VAV3: variants seen among roughly 807,000 people sequenced by gnomAD.
The protein encoded by VAV3 is guanine nucleotide exchange factor VAV3.
VAV3 carries 94 observed loss-of-function variants against 131.2 expected under a neutral mutation model. The ratio of observed to expected loss-of-function variants is 0.72; its 90% CI spans 0.61 to 0.85. VAV3 has a LOEUF of 0.85. Ranked by LOEUF, VAV3 falls within the 40% of genes least tolerant of loss-of-function variation. The pLI is 0.00. For missense variants in VAV3, 939 were observed against 1,002.7 expected (o/e 0.94, Z 0.86); for synonymous variants, 349 against 342.0 (o/e 1.02, Z -0.22).
chr1:107,853,651 CAA>C (rs1669333585), intron 2 of VAV3, among the ~76,000 whole-genome samples: 1 of 150,326 alleles, frequency 6.7e-6, no homozygotes, highest in African/African-American at 2.4e-5. Flanking sequence ...TTTTTGATGA[CAA>C]AGCAGGACAC....
chr1:107,679,029 G>C (rs1340023563), intron 19 of VAV3, among the ~76,000 whole-genome samples: 1 of 151,998 alleles, frequency 6.6e-6, no homozygotes, highest in African/African-American at 2.4e-5. Context: ...GCGGAAAGGG[G>C]CCATGTTTTA....
intron 15 of VAV3, among the ~76,000 whole-genome samples, chr1:107,725,655 C>T (rs973686275): frequency 2.6e-5 from 4 of 152,136 alleles, no homozygotes; most frequent in Non-Finnish European, 5.9e-5. Flanking sequence ...GCTGGGATCA[C>T]AGACATGTGC....
chr1:107,671,205 T>A (rs1657766847), intron 19 of VAV3, among the ~76,000 whole-genome samples: 1 of 152,216 alleles, frequency 6.6e-6, no homozygotes, highest in Admixed American at 6.5e-5. Context: ...GAAAGCTCTG[T>A]CCTGAACTGA....
intron 1 of VAV3, among the ~76,000 whole-genome samples, chr1:107,938,964 C>T (rs1056812864): frequency 6.6e-5 from 10 of 152,184 alleles, no homozygotes; most frequent in African/African-American, 1.4e-4. Context: ...ATAAGGCAAA[C>T]GCTGAGCTAT....
intron 2 of VAV3, among the ~76,000 whole-genome samples, chr1:107,872,735 C>T (rs1670310269): frequency 6.6e-6 from 1 of 152,118 alleles, no homozygotes. Flanking sequence ...CAGTAGTGGA[C>T]AATCAGCTAG....
intron 15 of VAV3, among the ~76,000 whole-genome samples, chr1:107,730,603 A>C (rs778635459): frequency 6.6e-5 from 10 of 152,232 alleles, no homozygotes; most frequent in Non-Finnish European, 1.2e-4. Flanking sequence ...CTTTGCTCTA[A>C]GGAAATTCTT....
chr1:107,894,599 C>A (rs1219831181), intron 1 of VAV3, among the ~76,000 whole-genome samples: 3 of 152,116 alleles, frequency 2.0e-5, no homozygotes, highest in Admixed American at 6.5e-5. Flanking sequence ...GATAAAGAGA[C>A]AATATGGTTA....
rs778999035 is a variant in VAV3 at position 107,704,547 on chromosome 1, T to C, written c.1705+3A>G. 2 of 1,610,664 alleles carry C rather than the reference T, an allele frequency of 1.2e-6. No individual in the cohort carries two copies. Among genetic ancestry groups the C allele is most frequent in the Non-Finnish European group, 1.7e-6 (2 of 1,177,406 alleles). ...CAGAATTGCAACAATAAACATGACT[T>C]ACCACCAGAATTAACTCTGCCACAA... On this transcript the variant is annotated splice_donor_region_variant and intron_variant, in intron 17 of 26. Coordinates refer to ENST00000370056, the MANE Select transcript of VAV3 (RefSeq NM_006113.5).
rs117989464 is a variant in VAV3, at chr1:107,876,414, A to T, written c.205-1397T>A. 1.0e-3 allele frequency among the ~76,000 whole-genome samples: 153 copies of T among 152,316 alleles called. 1 individual carries two copies. In the East Asian group the frequency reaches 0.022, roughly 22 times the overall value. On this transcript the variant is annotated intron_variant, in intron 1 of 26. Coordinates refer to ENST00000370056, the MANE Select transcript of VAV3 (RefSeq NM_006113.5). ...AGAGGAGAACAGAGAAATGGTCAAG[A>T]GTTTTAAGAAACAGCAGAAGATGTC... is the stretch of plus-strand genomic sequence containing the variant.
chr1:107,704,931 A>C, intron 16 of VAV3, 29 bp downstream of exon 16: 10 of 1,594,048 alleles, frequency 6.3e-6, no homozygotes, highest in Non-Finnish European at 7.7e-6. Context: ...AGTTCCTTTA[A>C]ACTGAAAACC....
chr1:107,928,290 T>C (rs567189898), intron 1 of VAV3, among the ~76,000 whole-genome samples: 19 of 152,204 alleles, frequency 1.2e-4, no homozygotes, highest in South Asian at 4.1e-4. Flanking sequence ...GGAAGAAAGA[T>C]AGGTACAAAC....
chr1:107,739,787 G>T (rs1557810095), intron 15 of VAV3, among the ~76,000 whole-genome samples: 2 of 152,162 alleles, frequency 1.3e-5, no homozygotes, highest in Non-Finnish European at 2.9e-5. Context: ...GCCAAAGCAG[G>T]TGACAAAATG....
At chr1:107,666,103 C>G (rs968686029) in intron 19 of VAV3, among the ~76,000 whole-genome samples, 1 of 152,158 alleles carries the variant, frequency 6.6e-6, no homozygotes, top group African/African-American at 2.4e-5. Flanking sequence ...CACACATTAT[C>G]TTCCTTTAGC....
intron 8 of VAV3, among the ~76,000 whole-genome samples, chr1:107,765,829 A>G (rs1664703400): frequency 6.6e-6 from 1 of 152,244 alleles, no homozygotes; most frequent in Non-Finnish European, 1.5e-5. Context: ...TAAAATGTGA[A>G]TATTTATCGA....
rs78440599 is a variant in VAV3 at position 107,679,345 on chromosome 1, T to A, written c.1777+4143A>T. ...GAAAGGACTCTTATCAATTTAATCA[T>A]TACCTATTCATTTATTATTCAAGGT... On this transcript the variant is annotated intron_variant, in intron 19 of 26. Coordinates refer to ENST00000370056, the MANE Select transcript of VAV3 (RefSeq NM_006113.5). Among the ~76,000 whole-genome samples the A allele has an allele frequency of 5.3e-5, 8 of 152,302 alleles. No individual in the cohort carries two copies. In the East Asian group the frequency reaches 1.5e-3, roughly 29 times the overall value.
chr1:107,697,765 G>A (rs1446222366), intron 17 of VAV3, among the ~76,000 whole-genome samples: 2 of 152,098 alleles, frequency 1.3e-5, no homozygotes, highest in African/African-American at 4.8e-5. Flanking sequence ...GGTAGGTATG[G>A]TCCCCAGGGA....
At chr1:107,707,524 G>A (rs780526847) in intron 15 of VAV3, among the ~76,000 whole-genome samples, 1 of 152,214 alleles carries the variant, frequency 6.6e-6, no homozygotes, top group Non-Finnish European at 1.5e-5. Flanking sequence ...TAATAAGGGT[G>A]TGATCATGAT....
chr1:107,590,605 T>A (rs1328391946), intron 25 of VAV3, among the ~76,000 whole-genome samples: 1 of 152,196 alleles, frequency 6.6e-6, no homozygotes, highest in African/African-American at 2.4e-5. Flanking sequence ...ACCTAAACAC[T>A]GTGCAAAACT....
chr1:107,942,419 T>C (rs1166150524), intron 1 of VAV3, among the ~76,000 whole-genome samples: 1 of 152,152 alleles, frequency 6.6e-6, no homozygotes, highest in Non-Finnish European at 1.5e-5. Context: ...AGACTCTCAC[T>C]ACATCTTTAA....
Sources: gnomAD v4.1 joint callset for allele counts (sites outside exome capture counted in the v4.1 genomes callset) on GRCh38, gnomAD v4.1.1 for gene constraint, MANE v1.5 for transcripts, NCBI Gene and HGNC (gene_info 2026-07-23, HGNC 2026-07-21) for gene names.